Variants in SLC25A48 observed in about 807,000 individuals in gnomAD.
SLC25A48 encodes CTC-321K16.1.
In SLC25A48, 29 loss-of-function variants were observed where a neutral mutation model predicts 32.2. The ratio of observed to expected loss-of-function variants is 0.90; its 90% CI spans 0.67 to 1.23. The LOEUF is 1.23. Ranked by LOEUF, SLC25A48 falls within the 50% of genes most tolerant of loss-of-function variation. The pLI, the probability that SLC25A48 is intolerant of heterozygous loss-of-function variation, is 0.00. For synonymous variants in SLC25A48, 164 were observed against 172.3 expected (o/e 0.95, Z 0.38); for missense variants, 399 against 422.7 (o/e 0.94, Z 0.49).
chr5:135,614,352 A>G (rs143714630), intron 1 of SLC25A48, among the ~76,000 whole-genome samples: 123 of 152,292 alleles, frequency 8.1e-4, no homozygotes, highest in Middle Eastern at 6.8e-3. Flanking sequence ...ATATCATATT[A>G]TATGCAAACA....
chr5:135,871,945 A>C, intron 5 of SLC25A48: 1 of 1,457,964 alleles, frequency 6.9e-7, no homozygotes, highest in Non-Finnish European at 9.1e-7. Context: ...ACTTTCAGGC[A>C]ACAGATATAT....
At chr5:135,770,057 C>T (rs67666491) in intron 3 of SLC25A48, among the ~76,000 whole-genome samples, 46,621 of 148,560 alleles carry the variant, frequency 0.31, 7,378 homozygotes, top group East Asian at 0.46. Flanking sequence ...AGTGTACAAA[C>T]CCCCCACGTG....
intron 6 of SLC25A48, among the ~76,000 whole-genome samples, chr5:135,878,341 G>A (rs1254831206): frequency 3.3e-5 from 5 of 152,210 alleles, no homozygotes; most frequent in Admixed American, 6.5e-5. Flanking sequence ...TGTGGGCACC[G>A]GCATGGAATT....
chr5:135,678,448 G>A (rs946318047), intron 3 of SLC25A48, among the ~76,000 whole-genome samples: 9 of 151,848 alleles, frequency 5.9e-5, no homozygotes, highest in African/African-American at 1.9e-4. Context: ...TGATTTATTT[G>A]TATTTTTTAA....
At chr5:135,881,706 C>T (rs1762482272) in intron 7 of SLC25A48, among the ~76,000 whole-genome samples, 1 of 152,284 alleles carries the variant, frequency 6.6e-6, no homozygotes, top group East Asian at 1.9e-4. Context: ...AAAAGCCAGG[C>T]ATTTTTATTG....
intron 3 of SLC25A48, among the ~76,000 whole-genome samples, chr5:135,658,703 A>G (rs1176632798): frequency 2.0e-5 from 3 of 152,110 alleles, no homozygotes; most frequent in Non-Finnish European, 4.4e-5. Flanking sequence ...ATTCCCATAA[A>G]TCCTTTGAAA....
At chr5:135,732,519 A>G (rs1359909318) in intron 3 of SLC25A48, among the ~76,000 whole-genome samples, 4 of 152,182 alleles carry the variant, frequency 2.6e-5, no homozygotes, top group Non-Finnish European at 5.9e-5. Flanking sequence ...CTTGATGTGT[A>G]GGGAATGGAG....
At chr5:135,815,128 G>A (rs1757684041) in intron 4 of SLC25A48, among the ~76,000 whole-genome samples, 1 of 152,178 alleles carries the variant, frequency 6.6e-6, no homozygotes, top group South Asian at 2.1e-4. Context: ...GCATCTGTGA[G>A]GTGGATGTAC....
At chr5:135,871,803 C>T (rs1761674847) in intron 5 of SLC25A48, 85 bp downstream of exon 5, 1 of 1,582,614 alleles carries the variant, frequency 6.3e-7, no homozygotes, top group East Asian at 2.3e-5. Flanking sequence ...CTTCTCAGCC[C>T]AGGGGGAGGG....
intron 1 of SLC25A48, among the ~76,000 whole-genome samples, chr5:135,600,435 C>T (rs889385155): frequency 5.9e-5 from 9 of 152,164 alleles, no homozygotes; most frequent in Admixed American, 3.3e-4. Context: ...ACTTTTCCAC[C>T]GAATGGCTGG....
chr5:135,613,281 G>A (rs1225154659), intron 1 of SLC25A48, among the ~76,000 whole-genome samples: 1 of 152,018 alleles, frequency 6.6e-6, no homozygotes, highest in African/African-American at 2.4e-5. Context: ...TTGTTTGCTT[G>A]TTTTTTAATG....
At position 135,654,879 on chromosome 5, in the gene SLC25A48, GC is replaced by G. The variant is rs761957631; in HGVS notation, c.-521+19927del. 3.3e-5 allele frequency among the ~76,000 whole-genome samples: 5 copies of G among 152,346 alleles called. No homozygotes were observed. The South Asian group carries it at 8.3e-4, about 25-fold the overall frequency. ...CACATAGACTGCGAGAACTCGGCCT[GC>G]CCCACTCCTGTGTGTATTCCTAGCA... On this transcript the variant is annotated intron_variant, in intron 3 of 10. Transcript: ENST00000646290.
chr5:135,793,160 G>T (rs1757078894), intron 3 of SLC25A48, among the ~76,000 whole-genome samples: 2 of 151,218 alleles, frequency 1.3e-5, no homozygotes, highest in African/African-American at 2.4e-5. Context: ...ATATCCGGGG[G>T]AGATGTTATT....
chr5:135,662,153 G>A (rs1753418484), intron 3 of SLC25A48, among the ~76,000 whole-genome samples: 1 of 152,088 alleles, frequency 6.6e-6, no homozygotes, highest in African/African-American at 2.4e-5. Flanking sequence ...ATAACATCTT[G>A]TGCTTGTTTC....
intron 1 of SLC25A48, among the ~76,000 whole-genome samples, chr5:135,840,514 C>T (rs1758900673): frequency 6.6e-6 from 1 of 152,162 alleles, no homozygotes; most frequent in African/African-American, 2.4e-5. Context: ...TATCTAGTTC[C>T]AAAACATTTT....
In SLC25A48 at chr5:135,746,588, G is replaced by A. The variant is rs924641061; in HGVS notation, c.-520-65935G>A. Among the ~76,000 whole-genome samples the A allele has an allele frequency of 1.1e-4, 16 of 152,286 alleles. No individual in the cohort carries two copies. In the East Asian group the frequency reaches 1.2e-3, roughly 11 times the overall value. Reference sequence around the variant, plus strand: ...CTGTGGGCACGCGTGAACCTTGGGCGGAGCGACTGGGACTCACTTCTGTTC... The same window carrying A: ...CTGTGGGCACGCGTGAACCTTGGGCAGAGCGACTGGGACTCACTTCTGTTC... On this transcript the variant is annotated intron_variant, in intron 3 of 10. Transcript: ENST00000646290.
chr5:135,626,080 G>C (rs533319919), intron 1 of SLC25A48, among the ~76,000 whole-genome samples: 34 of 152,356 alleles, frequency 2.2e-4, no homozygotes, highest in African/African-American at 7.9e-4. Context: ...CAGGACAATG[G>C]GGTAGGACAG....
intron 3 of SLC25A48, among the ~76,000 whole-genome samples, chr5:135,750,844 A>T (rs1240126990): frequency 1.3e-5 from 2 of 152,170 alleles, no homozygotes; most frequent in East Asian, 3.9e-4. Context: ...GACTTATTTT[A>T]GCAAATGTGA....
At chr5:135,733,958 C>T (rs1262151892) in intron 3 of SLC25A48, among the ~76,000 whole-genome samples, 2 of 152,074 alleles carry the variant, frequency 1.3e-5, no homozygotes, top group East Asian at 3.9e-4. Flanking sequence ...GTTGATAAGG[C>T]GCAGATCCTG....
Sources: gnomAD v4.1 joint callset for allele counts (sites outside exome capture counted in the v4.1 genomes callset) on GRCh38, gnomAD v4.1.1 for gene constraint, MANE v1.5 for transcripts, NCBI Gene and HGNC (gene_info 2026-07-23, HGNC 2026-07-21) for gene names.